The following IL1RAP variants were observed in gnomAD, a reference collection of about 807,000 sequenced individuals.
IL1RAP encodes the protein interleukin-1 receptor accessory protein.
IL1RAP carries 35 observed loss-of-function variants against 60.7 expected under a neutral mutation model. That is an observed-to-expected ratio of 0.58 (90% CI 0.44 to 0.76). IL1RAP has a LOEUF of 0.76. IL1RAP is among the 30% of genes least tolerant of loss of function. The pLI is 0.00. For synonymous variants in IL1RAP, 268 were observed against 250.9 expected (o/e 1.07, Z -0.64); for missense variants, 572 against 693.9 (o/e 0.82, Z 1.97).
chr3:190,580,026 T>C (rs1443868771), intron 3 of IL1RAP, among the ~76,000 whole-genome samples: 1 of 152,238 alleles, frequency 6.6e-6, no homozygotes, highest in Non-Finnish European at 1.5e-5. Context: ...TGAATAATGC[T>C]ACTATGAACA....
At chr3:190,545,064 C>T (rs1315540203) in intron 1 of IL1RAP, among the ~76,000 whole-genome samples, 1 of 152,150 alleles carries the variant, frequency 6.6e-6, no homozygotes, top group African/African-American at 2.4e-5. Flanking sequence ...CTCTATTTAC[C>T]TACCAGGATT....
At chr3:190,624,904 G>C (rs958383746) in intron 7 of IL1RAP, 2 of 166,078 alleles carry the variant, frequency 1.2e-5, no homozygotes, top group Admixed American at 6.4e-5. Context: ...ACAACTTGTC[G>C]GACATGCACG....
Position 190,650,430 on chromosome 3 carries a change from T to C in IL1RAP, c.*1725T>C, listed in dbSNP as rs2108869030. 2 of 984,864 alleles carry C rather than the reference T, an allele frequency of 2.0e-6. No homozygotes were observed. The highest frequency in any genetic ancestry group is 2.4e-6 in the Non-Finnish European group (2 of 829,380). The allele number at this position is 984,864 out of a possible 1,614,324, so 61.0% of individuals were successfully genotyped here. On this transcript the variant is annotated 3_prime_UTR_variant, in exon 12 of 12. Coordinates refer to ENST00000447382, the MANE Select transcript of IL1RAP (RefSeq NM_002182.4). ...GCAGACACATTTAGAAACTAAGCTA[T>C]GTTAACCTCAGTGCTCAACTATTTG...
intron 1 of IL1RAP, chr3:190,555,921 G>GATTTGTCT (rs1725376091): frequency 8.8e-6 from 1 of 113,476 alleles, no homozygotes. Context: ...GATAGATAGA[G>GATTTGTCT]ATCTGTCTAT....
rs763555728 is a variant in IL1RAP at position 190,650,587 on chromosome 3, A to G, written c.*1882A>G. 4.9e-5 allele frequency: 43 copies of G among 881,378 alleles called. No individual in the cohort carries two copies. The highest frequency in any genetic ancestry group is 5.8e-5 in the Non-Finnish European group (43 of 735,240). 54.6% of individuals were successfully genotyped at this position (881,378 alleles called of 1,614,324 possible). A position where few individuals can be genotyped will look rare whatever the true frequency, so the allele number is the denominator to read the frequency against. On this transcript the variant is annotated 3_prime_UTR_variant, in exon 12 of 12. Transcript: ENST00000447382. ...TGTTGATGAACAAATGTAAAATTATATCCTATATTTAAGTACCCATAATAA... is the reference window on the plus strand; with the variant it reads ...TGTTGATGAACAAATGTAAAATTATGTCCTATATTTAAGTACCCATAATAA...
chr3:190,637,080 C>T (rs1313590628), intron 9 of IL1RAP, among the ~76,000 whole-genome samples: 1 of 152,118 alleles, frequency 6.6e-6, no homozygotes, highest in Admixed American at 6.5e-5. Flanking sequence ...TCCCTCCCAT[C>T]CTTTGTGTTG....
chr3:190,652,457 G>GAAAAA (rs10631058), downstream of IL1RAP, among the ~76,000 whole-genome samples: 358 of 135,514 alleles, frequency 2.6e-3, 2 homozygotes, highest in African/African-American at 7.4e-3. Context: ...CGAGACTTCA[G>GAAAAA]AAAAAAAAAA....
At chr3:190,657,586 C>T (rs986111637) in exon 12 of IL1RAP, 1 of 152,098 alleles carries the variant, frequency 6.6e-6, no homozygotes, top group Non-Finnish European at 1.5e-5. Context: ...GGCCAGATAC[C>T]AGCTTATTTT....
intron 1 of IL1RAP, among the ~76,000 whole-genome samples, chr3:190,546,222 CTG>C (rs1724359422): frequency 6.6e-6 from 1 of 152,154 alleles, no homozygotes; most frequent in Admixed American, 6.5e-5. Context: ...GTTTTCCTCT[CTG>C]TTCTATAGAT....
chr3:190,654,507 C>T (rs912812069), downstream of IL1RAP, among the ~76,000 whole-genome samples: 3 of 152,182 alleles, frequency 2.0e-5, no homozygotes, highest in African/African-American at 7.2e-5. Context: ...TCTCTAAAAA[C>T]ATTTTTGCAC....
intron 3 of IL1RAP, among the ~76,000 whole-genome samples, chr3:190,593,667 G>A (rs545372359): frequency 2.6e-5 from 4 of 152,076 alleles, no homozygotes; most frequent in South Asian, 2.1e-4. Context: ...GTCAGATCTC[G>A]TGAGACGTAT....
chr3:190,528,419 TA>T (rs1722691666), intron 1 of IL1RAP, among the ~76,000 whole-genome samples: 1 of 152,160 alleles, frequency 6.6e-6, no homozygotes, highest in African/African-American at 2.4e-5. Context: ...TTTTCCAAGG[TA>T]AGGAAGTTAA....
chr3:190,534,540 C>T lies in IL1RAP; in HGVS notation c.-89+20321C>T, dbSNP rs925681967. On this transcript the variant is annotated intron_variant, in intron 1 of 11. Transcript: ENST00000447382. ...TGTACACCATAAATCTTCACAAAGTCGTGGGAAAAGAACAGCAACTTCAGC... is the reference window on the plus strand; with the variant it reads ...TGTACACCATAAATCTTCACAAAGTTGTGGGAAAAGAACAGCAACTTCAGC... Among the ~76,000 whole-genome samples, 12 of 152,236 alleles carry T rather than the reference C, an allele frequency of 7.9e-5. No homozygotes were observed. In the East Asian group the frequency reaches 1.5e-3, roughly 20 times the overall value.
At position 190,584,447 on chromosome 3, in the gene IL1RAP, T is replaced by A. The variant is rs531779397; in HGVS notation, c.65-19681T>A. ...CTAATAAGAGGCTGCCAAACTCTTT[T>A]CCAAAGTAGCTATACTCAATTCTGT... On this transcript the variant is annotated intron_variant, in intron 3 of 11. Coordinates refer to ENST00000447382, the MANE Select transcript of IL1RAP (RefSeq NM_002182.4). Among the ~76,000 whole-genome samples the A allele has an allele frequency of 2.1e-4, 32 of 152,344 alleles. No homozygotes were observed. The South Asian group carries it at 6.6e-3, about 32-fold the overall frequency.
At chr3:190,651,927 C>A (rs913890180), downstream of IL1RAP, among the ~76,000 whole-genome samples, 9 of 152,204 alleles carry the variant, frequency 5.9e-5, no homozygotes, top group East Asian at 1.7e-3. Flanking sequence ...TTTTACTCAA[C>A]TTGGAACTTA....
At chr3:190,521,587 A>T (rs527280354) in intron 1 of IL1RAP, among the ~76,000 whole-genome samples, 2 of 152,170 alleles carry the variant, frequency 1.3e-5, no homozygotes, top group African/African-American at 4.8e-5. Flanking sequence ...GTGTTTTATA[A>T]ATCTGTGACT....
chr3:190,608,019 C>G (rs987259457), intron 4 of IL1RAP, among the ~76,000 whole-genome samples: 25 of 152,106 alleles, frequency 1.6e-4, no homozygotes, highest in African/African-American at 5.8e-4. Flanking sequence ...GTTGCTTATA[C>G]CATTATTGAC....
chr3:190,538,447 A>C (rs915883157), intron 1 of IL1RAP, among the ~76,000 whole-genome samples: 1 of 152,142 alleles, frequency 6.6e-6, no homozygotes, highest in Non-Finnish European at 1.5e-5. Flanking sequence ...GCTTGTGATC[A>C]CAGACTGTAT....
At chr3:190,549,492 G>A (rs1024248677) in intron 1 of IL1RAP, among the ~76,000 whole-genome samples, 4 of 152,138 alleles carry the variant, frequency 2.6e-5, no homozygotes, top group African/African-American at 4.8e-5. Context: ...CCAAAGCTCC[G>A]GTTGCAAGAC....
Sources: gnomAD v4.1 joint callset for allele counts (sites outside exome capture counted in the v4.1 genomes callset) on GRCh38, gnomAD v4.1.1 for gene constraint, MANE v1.5 for transcripts, NCBI Gene and HGNC (gene_info 2026-07-23, HGNC 2026-07-21) for gene names.